NT5M: variants seen among roughly 807,000 people sequenced by gnomAD.
NT5M encodes 5',3'-nucleotidase, mitochondrial, also known as 5'(3')-deoxyribonucleotidase, mitochondrial.
In NT5M, 22 loss-of-function variants were observed where a neutral mutation model predicts 22.2. The ratio of observed to expected loss-of-function variants is 0.99; its 90% CI spans 0.71 to 1.41. The LOEUF (loss-of-function observed/expected upper bound fraction) is 1.41. Among genes scored for constraint, NT5M ranks in the 40% most tolerant of loss-of-function variants. NT5M has a pLI of 0.00. For synonymous variants in NT5M, 167 were observed against 133.0 expected (o/e 1.26, Z -1.76); for missense variants, 322 against 314.8 (o/e 1.02, Z -0.17).
At chr17:17,311,958 A>G (rs1597748438) in intron 2 of NT5M, among the ~76,000 whole-genome samples, 1 of 152,332 alleles carries the variant, frequency 6.6e-6, no homozygotes, top group Admixed American at 6.5e-5. Context: ...CAGCCACATG[A>G]CTGTGTCCTG....
At chr17:17,339,993 T>A (rs950044308) in intron 3 of NT5M, among the ~76,000 whole-genome samples, 2 of 152,234 alleles carry the variant, frequency 1.3e-5, no homozygotes, top group Admixed American at 1.3e-4. Flanking sequence ...TGATACTGGC[T>A]TCATAGAATG....
At chr17:17,336,302 TATTC>T (rs1472034121) in intron 3 of NT5M, among the ~76,000 whole-genome samples, 1 of 152,052 alleles carries the variant, frequency 6.6e-6, no homozygotes, top group South Asian at 2.1e-4. Flanking sequence ...GCGCCCAGCC[TATTC>T]ATTCTATTTT....
intron 3 of NT5M, among the ~76,000 whole-genome samples, chr17:17,336,959 G>T (rs938917030): frequency 3.9e-5 from 6 of 152,184 alleles, no homozygotes; most frequent in African/African-American, 1.4e-4. Flanking sequence ...ATAAACATGG[G>T]AGTGCGAGTA....
chr17:17,345,033 A>G, intron 4 of NT5M, 125 bp downstream of exon 4: 5 of 1,400,628 alleles, frequency 3.6e-6, no homozygotes, highest in Non-Finnish European at 4.8e-6. Context: ...CCAGGCACTG[A>G]GCCCCTCCCC....
chr17:17,326,427 G>C (rs1028424052), intron 3 of NT5M, among the ~76,000 whole-genome samples: 1 of 152,162 alleles, frequency 6.6e-6, no homozygotes, highest in Non-Finnish European at 1.5e-5. Flanking sequence ...GGGATGTCAG[G>C]ACCCCAGTCA....
At chr17:17,344,363 G>T (rs575347230) in intron 3 of NT5M, among the ~76,000 whole-genome samples, 4 of 152,162 alleles carry the variant, frequency 2.6e-5, no homozygotes, top group Non-Finnish European at 5.9e-5. Flanking sequence ...GGTAGGAACT[G>T]CTTTTTGTCT....
intron 4 of NT5M, among the ~76,000 whole-genome samples, chr17:17,346,497 G>A (rs1334385570): frequency 2.6e-5 from 4 of 152,120 alleles, no homozygotes; most frequent in South Asian, 2.1e-4. Context: ...GAGGGAAGTC[G>A]GGGGAACACC....
At chr17:17,345,040 C>T in intron 4 of NT5M, 132 bp downstream of exon 4, 1 of 1,361,652 alleles carries the variant, frequency 7.3e-7, no homozygotes, top group South Asian at 1.4e-5. Flanking sequence ...CTGAGCCCCT[C>T]CCCTTCGGGA....
chr17:17,322,897 T>C (rs1208761340), intron 2 of NT5M, among the ~76,000 whole-genome samples: 1 of 152,152 alleles, frequency 6.6e-6, no homozygotes, highest in African/African-American at 2.4e-5. Context: ...GAATCCTTCT[T>C]CCTCATAGAT....
intron 2 of NT5M, among the ~76,000 whole-genome samples, chr17:17,311,125 A>G (rs2048914254): frequency 7.2e-5 from 11 of 152,186 alleles, no homozygotes; most frequent in Non-Finnish European, 1.5e-5. Flanking sequence ...TCATGAGGTC[A>G]GGAGATCGAG....
intron 3 of NT5M, among the ~76,000 whole-genome samples, chr17:17,343,246 TGTGTGTGTGTGC>T (rs1457219905): frequency 6.6e-6 from 1 of 151,842 alleles, no homozygotes; most frequent in Non-Finnish European, 1.5e-5. Context: ...TGTGCATATG[TGTGTGTGTGTGC>T]ATGTGTGTGT....
chr17:17,305,397 C>G (rs79050083), intron 1 of NT5M, among the ~76,000 whole-genome samples: 9,793 of 36,008 alleles, frequency 0.27, 811 homozygotes, highest in Non-Finnish European at 0.36. Context: ...AACAACCGCC[C>G]CCCCCCCCCC....
At chr17:17,306,499 G>T in intron 1 of NT5M, 44 bp from the exon 2 acceptor site, 1 of 1,385,542 alleles carries the variant, frequency 7.2e-7, no homozygotes, top group African/African-American at 1.4e-5. Context: ...GGGCAGTAAG[G>T]TGCTGAGGAC....
intron 2 of NT5M, among the ~76,000 whole-genome samples, chr17:17,308,266 A>C (rs1382809429): frequency 6.6e-6 from 1 of 152,146 alleles, no homozygotes; most frequent in Non-Finnish European, 1.5e-5. Context: ...TGCTTCCCTG[A>C]GAGATTTTTA....
At chr17:17,341,348 A>C (rs923041532) in intron 3 of NT5M, among the ~76,000 whole-genome samples, 1 of 152,184 alleles carries the variant, frequency 6.6e-6, no homozygotes, top group South Asian at 2.1e-4. Flanking sequence ...TACCAGCAAC[A>C]CTGTGAGGAA....
chr17:17,325,145 G>A (rs927590838), intron 3 of NT5M, among the ~76,000 whole-genome samples: 11 of 152,152 alleles, frequency 7.2e-5, no homozygotes, highest in Non-Finnish European at 1.2e-4. Context: ...TAAGGATTGC[G>A]GGACTGGAGT....
At chr17:17,317,514 C>T (rs772154979) in intron 2 of NT5M, among the ~76,000 whole-genome samples, 2 of 152,148 alleles carry the variant, frequency 1.3e-5, no homozygotes, top group Non-Finnish European at 2.9e-5. Flanking sequence ...CACCTGTGCT[C>T]CCAGCTACTC....
At chr17:17,328,190 A>G (rs1232977285) in intron 3 of NT5M, among the ~76,000 whole-genome samples, 2 of 152,186 alleles carry the variant, frequency 1.3e-5, no homozygotes, top group Non-Finnish European at 2.9e-5. Flanking sequence ...GAAGCAGGCC[A>G]TTGAACAAAC....
intron 2 of NT5M, among the ~76,000 whole-genome samples, chr17:17,307,332 A>G (rs2048824703): frequency 6.6e-6 from 1 of 150,474 alleles, no homozygotes. Context: ...ACATTAAAGA[A>G]TCACAAAATG....
Sources: allele counts gnomAD v4.1 joint callset (sites outside exome capture counted in the v4.1 genomes callset), GRCh38; gene constraint gnomAD v4.1.1; transcripts MANE v1.5; gene names NCBI Gene and HGNC (gene_info 2026-07-23, HGNC 2026-07-21).